Variants in ATRN observed in about 807,000 individuals in gnomAD.
The protein encoded by ATRN is attractin-2.
In ATRN, 54 loss-of-function variants were observed where a neutral mutation model predicts 178.7. The observed-to-expected ratio is 0.30, with a 90% CI of 0.24 to 0.38. ATRN has a LOEUF of 0.38. ATRN is among the 10% of genes least tolerant of loss of function. ATRN has a pLI of 1.00. For missense variants in ATRN, 1,443 were observed against 1,815.1 expected (o/e 0.79, Z 3.73); for synonymous variants, 636 against 663.0 (o/e 0.96, Z 0.63).
chr20:3,471,581 G>A, intron 1 of ATRN, 64 bp downstream of exon 1: 2 of 1,361,556 alleles, frequency 1.5e-6, no homozygotes, highest in Non-Finnish European at 1.9e-6. Context: ...GGGCGTTCGA[G>A]ACGGCTCCAG....
At chr20:3,532,693 C>G (rs1218532143) in intron 1 of ATRN, among the ~76,000 whole-genome samples, 1 of 151,926 alleles carries the variant, frequency 6.6e-6, no homozygotes, top group Non-Finnish European at 1.5e-5. Flanking sequence ...GCAGGCCTGA[C>G]AAAGGGGAAC....
At chr20:3,519,863 T>C (rs976115763) in intron 1 of ATRN, among the ~76,000 whole-genome samples, 1 of 152,208 alleles carries the variant, frequency 6.6e-6, no homozygotes, top group Non-Finnish European at 1.5e-5. Context: ...CATCTAGAGC[T>C]ACTGAGAGAA....
In ATRN at chr20:3,572,928, A is replaced by G. The variant is rs1402988720; in HGVS notation, c.2069A>G (p.Lys690Arg). Residue 690 changes from lysine (K) to arginine (R), a missense_variant, in exon 12 of 29, where the codon AAA becomes AGA. Physicochemically the swap from Lys to Arg is conservative, Grantham distance 26. Coordinates refer to ENST00000262919, the MANE Select transcript of ATRN (RefSeq NM_139321.3). ...LATDEQEEKL[K>R]SECFSKRTLD... The stretch of plus-strand genomic sequence containing the variant: ...ACTGATGAACAAGAAGAAAAGTTAA[A>G]ATCAGAATGTTTTTCCAAAAGAAGT... 6.2e-7 allele frequency: 1 copy of G among 1,613,648 alleles called. No homozygotes were observed. The highest frequency in any genetic ancestry group is 1.3e-5 in the African/African-American group (1 of 74,836).
chr20:3,582,176 C>T lies in ATRN; in HGVS notation c.2586C>T (p.Ile862=), dbSNP rs776926067. The part of the protein sequence containing the change: ...TLTPWVGLRK[I]NVSYWCWEDM... ...CCCCATGGGTCGGCCTTCGGAAGAT[C>T]AATGTGTCCTACTGGTGCTGGGAAG... The change falls in exon 16 of 29, where the codon ATC becomes ATT. Residue 862 remains isoleucine, a synonymous_variant. Coordinates refer to ENST00000262919, the MANE Select transcript of ATRN (RefSeq NM_139321.3). The T allele has an allele frequency of 1.7e-5, 27 of 1,614,070 alleles. No individual in the cohort carries two copies. Among genetic ancestry groups the T allele is most frequent in the Non-Finnish European group, 2.3e-5 (27 of 1,180,030 alleles).
chr20:3,489,258 G>A (rs760768865), intron 1 of ATRN, among the ~76,000 whole-genome samples: 2 of 152,156 alleles, frequency 1.3e-5, no homozygotes, highest in Non-Finnish European at 2.9e-5. Context: ...ACAGATATTT[G>A]ATGTTTTTTA....
In ATRN at chr20:3,647,016, C is replaced by T. The variant is rs1257310522; in HGVS notation, c.*169C>T. The T allele has an allele frequency of 3.4e-6, 3 of 878,186 alleles. No homozygotes were observed. The highest frequency in any genetic ancestry group is 4.9e-6 in the Non-Finnish European group (3 of 612,218). The allele number at this position is 878,186 out of a possible 1,614,324, so 54.4% of individuals were successfully genotyped here. On this transcript the variant is annotated 3_prime_UTR_variant, in exon 29 of 29. Transcript: ENST00000262919. ...TCACAAGCTTTCTTTGACGGTTTCT[C>T]CCATCCGTGTTCCAGCATCTAACCT... is the stretch of plus-strand genomic sequence containing the variant.
chr20:3,490,353 C>T lies in ATRN; in HGVS notation c.410+18836C>T, dbSNP rs2084771426. On this transcript the variant is annotated intron_variant, in intron 1 of 28. Coordinates refer to ENST00000262919, the MANE Select transcript of ATRN (RefSeq NM_139321.3). ...TTCGCCCATCCAGGAAGGTCACATT[C>T]TCCCATTTCTTCTCAAACTCAGCCT... 8 of 995,270 alleles carry T rather than the reference C, an allele frequency of 8.0e-6. 1 individual carries two copies. Among genetic ancestry groups the T allele is most frequent in the Non-Finnish European group, 1.3e-5 (8 of 616,070 alleles). 61.7% of individuals were successfully genotyped at this position (995,270 alleles called of 1,614,324 possible). A position where few individuals can be genotyped will look rare whatever the true frequency, so the allele number is the denominator to read the frequency against.
chr20:3,586,005 TTAAATATA>T (rs1346663207), intron 18 of ATRN, among the ~76,000 whole-genome samples: 1 of 152,048 alleles, frequency 6.6e-6, no homozygotes, highest in Non-Finnish European at 1.5e-5. Flanking sequence ...CCTCAAAAAG[TTAAATATA>T]GAGTTATCAT....
intron 1 of ATRN, chr20:3,490,842 T>A: frequency 1.2e-6 from 1 of 813,514 alleles, no homozygotes; most frequent in East Asian, 2.4e-5. Flanking sequence ...ATCATACAGA[T>A]CCCTCAGGTT....
intron 1 of ATRN, among the ~76,000 whole-genome samples, chr20:3,513,083 CT>C (rs2085158755): frequency 6.6e-6 from 1 of 152,090 alleles, no homozygotes; most frequent in South Asian, 2.1e-4. Flanking sequence ...ATGGTAGTTT[CT>C]TTTGCTGTGC....
chr20:3,562,590 T>C, intron 9 of ATRN, 131 bp downstream of exon 9: 1 of 852,328 alleles, frequency 1.2e-6, no homozygotes, highest in African/African-American at 1.7e-5. Flanking sequence ...TATAGAGAAA[T>C]TGGGAAATAA....
intron 18 of ATRN, among the ~76,000 whole-genome samples, chr20:3,590,768 G>T (rs1262103358): frequency 2.0e-5 from 3 of 152,046 alleles, no homozygotes; most frequent in Non-Finnish European, 4.4e-5. Context: ...GAACATAATT[G>T]TGCAAATTAT....
chr20:3,545,718 C>G, intron 3 of ATRN, 44 bp from the exon 4 acceptor site: 1 of 1,600,588 alleles, frequency 6.2e-7, no homozygotes, highest in African/African-American at 1.3e-5. Context: ...TTTGACATGT[C>G]TGTGCTTGTG....
chr20:3,501,823 G>T (rs1405167182), intron 1 of ATRN, among the ~76,000 whole-genome samples: 4 of 152,164 alleles, frequency 2.6e-5, no homozygotes, highest in Admixed American at 1.3e-4. Context: ...AGTTTTGGTG[G>T]TTATGCAGCA....
intron 25 of ATRN, among the ~76,000 whole-genome samples, chr20:3,630,648 G>A (rs1271422992): frequency 6.6e-6 from 1 of 152,156 alleles, no homozygotes; most frequent in African/African-American, 2.4e-5. Flanking sequence ...GTCCCTGGGC[G>A]ACCGAATGAC....
chr20:3,471,229 CG>C lies in ATRN; in HGVS notation c.126del (p.Leu43TrpfsTer96). ...TGGGACGTGACCAGGGCTGGGAGGCCGGGGCTGGGGGCCGGGCTGCGCCTCC... is the reference window on the plus strand; with the variant it reads ...TGGGACGTGACCAGGGCTGGGAGGCCGGGCTGGGGGCCGGGCTGCGCCTCC... ...WDWDVTRAGR[P>X]GLGAGLRLPR... On this transcript the variant is annotated frameshift_variant, in exon 1 of 29. Transcript: ENST00000262919. LOFTEE classifies it high-confidence loss of function. 6.8e-7 allele frequency: 1 copy of C among 1,460,588 alleles called. No homozygotes were observed. 90.5% of individuals were successfully genotyped at this position (1,460,588 alleles called of 1,614,324 possible).
intron 18 of ATRN, 23 bp from the exon 19 acceptor site, chr20:3,591,146 C>G (rs780669437): frequency 2.5e-6 from 4 of 1,612,746 alleles, no homozygotes; most frequent in Admixed American, 1.7e-5. Context: ...GGTACAGACC[C>G]CTTGAAACTC....
At chr20:3,498,672 G>A (rs1411599988) in intron 1 of ATRN, among the ~76,000 whole-genome samples, 1 of 152,098 alleles carries the variant, frequency 6.6e-6, no homozygotes, top group African/African-American at 2.4e-5. Context: ...AGGTATTGAT[G>A]GGACGTATTT....
chr20:3,579,384 G>T (rs1380943336), intron 15 of ATRN, among the ~76,000 whole-genome samples: 1 of 152,158 alleles, frequency 6.6e-6, no homozygotes, highest in Non-Finnish European at 1.5e-5. Context: ...TACTCAGGAG[G>T]CCGAGGCAGG....
Sources: allele counts gnomAD v4.1 joint callset (sites outside exome capture counted in the v4.1 genomes callset), GRCh38; gene constraint gnomAD v4.1.1; transcripts MANE v1.5; gene names NCBI Gene and HGNC (gene_info 2026-07-23, HGNC 2026-07-21).